The following STIMATE variants were observed in gnomAD, a reference collection of about 807,000 sequenced individuals.
The protein encoded by STIMATE is STIM activating enhancer.
Under a neutral mutation model 36.7 loss-of-function variants are expected in STIMATE, and 15 were observed. The ratio of observed to expected loss-of-function variants is 0.41; its 90% CI spans 0.27 to 0.63. STIMATE has a LOEUF of 0.63. Among genes scored for constraint, STIMATE ranks in the 20% least tolerant of loss-of-function variants. The pLI, the probability that STIMATE is intolerant of heterozygous loss-of-function variation, is 0.32. For synonymous variants in STIMATE, 163 were observed against 162.3 expected (o/e 1.00, Z -0.03); for missense variants, 305 against 397.3 (o/e 0.77, Z 1.98).
intron 4 of STIMATE, among the ~76,000 whole-genome samples, chr3:52,848,798 T>C (rs1011109260): frequency 7.9e-5 from 12 of 152,296 alleles, no homozygotes; most frequent in Middle Eastern, 3.4e-3. Flanking sequence ...TCAGAAGCCT[T>C]CCCTGGAGCC....
chr3:52,856,601 T>C (rs1278178601), intron 1 of STIMATE, among the ~76,000 whole-genome samples: 2 of 152,096 alleles, frequency 1.3e-5, no homozygotes, highest in African/African-American at 4.8e-5. Context: ...GGAGGGTCAC[T>C]TGAGCCCAGG....
chr3:52,842,928 G>A lies in STIMATE; in HGVS notation c.651C>T (p.Leu217=), dbSNP rs147058360. The A allele has an allele frequency of 2.5e-5, 41 of 1,614,052 alleles. No individual in the cohort carries two copies. The highest frequency in any genetic ancestry group is 1.3e-4 in the African/African-American group (10 of 74,926). ...TAGCTTTCGTCTTCCCCTTTCTCAT[G>A]AGGAAATTGTCCACTACCCAAAACA... ...ALMFWVVDNF[L]MRKGKTKAKL... Residue 217 remains leucine (L), a synonymous_variant, in exon 7 of 8, where the codon CTC becomes CTT. Transcript: ENST00000355083.
intron 1 of STIMATE, among the ~76,000 whole-genome samples, chr3:52,856,687 AAAAAG>A (rs550155894): frequency 5.9e-5 from 9 of 152,030 alleles, no homozygotes; most frequent in Middle Eastern, 6.8e-3. Flanking sequence ...CTACCTCAAA[AAAAAG>A]AAAAGAAAAG....
chr3:52,896,134 G>A (rs886448694), intron 1 of STIMATE, among the ~76,000 whole-genome samples: 1 of 152,142 alleles, frequency 6.6e-6, no homozygotes, highest in African/African-American at 2.4e-5. Flanking sequence ...TAAAGCCTGA[G>A]AGAATTCACT....
At chr3:52,855,542 A>T in intron 1 of STIMATE, 98 bp from the exon 2 acceptor site, 7 of 1,516,672 alleles carry the variant, frequency 4.6e-6, no homozygotes, top group Non-Finnish European at 6.4e-6. Flanking sequence ...CTGTGTGTAT[A>T]ACCAAGGTAA....
At chr3:52,890,425 T>C (rs571769017) in intron 1 of STIMATE, among the ~76,000 whole-genome samples, 4 of 152,370 alleles carry the variant, frequency 2.6e-5, no homozygotes, top group South Asian at 4.1e-4. Flanking sequence ...TAGGGGCGAT[T>C]TGGCCCCCCA....
At chr3:52,853,158 T>C (rs1701037103) in intron 2 of STIMATE, among the ~76,000 whole-genome samples, 1 of 152,152 alleles carries the variant, frequency 6.6e-6, no homozygotes, top group Admixed American at 6.5e-5. Flanking sequence ...AGGCAAATTT[T>C]TTCTGTAAAG....
intron 2 of STIMATE, among the ~76,000 whole-genome samples, chr3:52,854,671 T>C (rs1327723465): frequency 6.6e-6 from 1 of 152,182 alleles, no homozygotes; most frequent in African/African-American, 2.4e-5. Flanking sequence ...AGCGGGGAAG[T>C]GGGGGTTGTG....
chr3:52,874,740 G>A (rs1023725904), intron 1 of STIMATE, among the ~76,000 whole-genome samples: 1 of 152,104 alleles, frequency 6.6e-6, no homozygotes, highest in African/African-American at 2.4e-5. Flanking sequence ...TACTCGTGAG[G>A]CTGAGACACC....
At chr3:52,857,769 G>T (rs147348595) in intron 1 of STIMATE, among the ~76,000 whole-genome samples, 1,505 of 149,776 alleles carry the variant, frequency 0.01, 14 homozygotes, top group South Asian at 0.032. Context: ...ATTATATATA[G>T]AGAGAGAGAG....
At chr3:52,878,464 C>T (rs1701538925) in intron 1 of STIMATE, among the ~76,000 whole-genome samples, 1 of 151,906 alleles carries the variant, frequency 6.6e-6, no homozygotes, top group South Asian at 2.1e-4. Context: ...TCACCTCATT[C>T]CCTGGTCTAG....
chr3:52,896,015 A>C (rs2106742816), intron 1 of STIMATE: 1 of 1,199,898 alleles, frequency 8.3e-7, no homozygotes. Context: ...TGGGACTAAA[A>C]AGGAAAGAAA....
chr3:52,872,665 G>A (rs931811065), intron 1 of STIMATE, among the ~76,000 whole-genome samples: 2 of 152,028 alleles, frequency 1.3e-5, no homozygotes, highest in Admixed American at 6.6e-5. Context: ...TCGCTCTGTC[G>A]CCCAGGCTGG....
intron 1 of STIMATE, among the ~76,000 whole-genome samples, chr3:52,855,787 T>C (rs1469038602): frequency 6.6e-6 from 1 of 152,218 alleles, no homozygotes. Context: ...ATGTGCTCTA[T>C]CCAAGGACAA....
chr3:52,840,438 C>A lies in STIMATE; in HGVS notation c.*56G>T. 6.3e-7 allele frequency: 1 copy of A among 1,586,430 alleles called. No homozygotes were observed. Among genetic ancestry groups the A allele is most frequent in the Non-Finnish European group, 8.6e-7 (1 of 1,159,652 alleles). On this transcript the variant is annotated 3_prime_UTR_variant, in exon 8 of 8. Coordinates refer to ENST00000355083, the MANE Select transcript of STIMATE (RefSeq NM_198563.5). ...GGTAAGGAACGATGCTGCGGGATGA[C>A]CTCTGCACACCAGCGGCTGGCGGGG...
At chr3:52,871,280 G>A (rs1033849279) in intron 1 of STIMATE, among the ~76,000 whole-genome samples, 4 of 152,104 alleles carry the variant, frequency 2.6e-5, no homozygotes, top group South Asian at 2.1e-4. Context: ...GGCCTGTCCC[G>A]TCAAGAAGGC....
At chr3:52,872,716 C>T (rs1701428075) in intron 1 of STIMATE, among the ~76,000 whole-genome samples, 2 of 152,212 alleles carry the variant, frequency 1.3e-5, no homozygotes, top group African/African-American at 4.8e-5. Context: ...ACCTCCGCCT[C>T]CCGGGTTCAA....
In STIMATE at chr3:52,844,946, A is replaced by G. The variant is rs746670588; in HGVS notation, c.428-5T>C. 7 of 1,613,316 alleles carry G rather than the reference A, an allele frequency of 4.3e-6. No individual in the cohort carries two copies. The highest frequency in any genetic ancestry group is 1.1e-5 in the South Asian group (1 of 91,064). The stretch of plus-strand genomic sequence containing the variant: ...CTCCACACTGCAGAGGGTCTCCTGC[A>G]GGGACAGGCGGGTGCTTAGTCACAT... On this transcript the variant is annotated splice_region_variant and splice_polypyrimidine_tract_variant and intron_variant, in intron 4 of 7. Coordinates refer to ENST00000355083, the MANE Select transcript of STIMATE (RefSeq NM_198563.5).
intron 1 of STIMATE, among the ~76,000 whole-genome samples, chr3:52,863,735 A>T (rs1701256004): frequency 6.6e-6 from 1 of 152,238 alleles, no homozygotes; most frequent in Non-Finnish European, 1.5e-5. Context: ...TAGATACAAC[A>T]GGAGTACAGG....
Sources: allele counts gnomAD v4.1 joint callset (sites outside exome capture counted in the v4.1 genomes callset), GRCh38; gene constraint gnomAD v4.1.1; transcripts MANE v1.5; gene names NCBI Gene and HGNC (gene_info 2026-07-23, HGNC 2026-07-21).